PRKG1: variants seen among roughly 807,000 people sequenced by gnomAD.
The protein encoded by PRKG1 is protein kinase cGMP-dependent 1.
In PRKG1, 35 loss-of-function variants were observed where a neutral mutation model predicts 88.1. That is an observed-to-expected ratio of 0.40 (90% confidence interval 0.30 to 0.53). The LOEUF (loss-of-function observed/expected upper bound fraction) is 0.53, where lower values mean the gene tolerates loss of function less well. Ranked by LOEUF, PRKG1 falls within the 20% of genes least tolerant of loss-of-function variation. PRKG1 has a pLI of 0.59. For synonymous variants in PRKG1, 303 were observed against 292.5 expected (o/e 1.04, Z -0.37); for missense variants, 540 against 839.8 (o/e 0.64, Z 4.41).
chr10:52,295,238 C>G lies in PRKG1; in HGVS notation c.*1338C>G, dbSNP rs1842354811. ...TGAGGTCAGAGAACAAAACAAGAAC[C>G]TGGCCAGGTGTTGATTACCTTTTAG... On this transcript the variant is annotated 3_prime_UTR_variant, in exon 18 of 18. Coordinates refer to ENST00000373980, the MANE Select transcript of PRKG1 (RefSeq NM_006258.4). 1 of 152,066 alleles carries G rather than the reference C, an allele frequency of 6.6e-6. No individual in the cohort carries two copies. The highest frequency in any genetic ancestry group is 1.5e-5 in the Non-Finnish European group (1 of 67,980). The allele number at this position is 152,066 out of a possible 1,614,324, so 9.4% of individuals were successfully genotyped here. A position where few individuals can be genotyped will look rare whatever the true frequency, so the allele number is the denominator to read the frequency against.
At chr10:51,430,613 T>G (rs1390789120) in intron 2 of PRKG1, among the ~76,000 whole-genome samples, 1 of 152,084 alleles carries the variant, frequency 6.6e-6, no homozygotes, top group Admixed American at 6.6e-5. Flanking sequence ...AATATCTACA[T>G]GAAATAAAAA....
At chr10:51,122,871 A>G (rs949444330) in intron 1 of PRKG1, among the ~76,000 whole-genome samples, 13 of 152,192 alleles carry the variant, frequency 8.5e-5, no homozygotes, top group African/African-American at 2.4e-4. Context: ...TTCCTGTCTC[A>G]GTAAATGCTC....
intron 2 of PRKG1, among the ~76,000 whole-genome samples, chr10:51,277,721 T>A (rs908257738): frequency 2.6e-5 from 4 of 152,210 alleles, no homozygotes; most frequent in African/African-American, 7.2e-5. Context: ...TTGAAGCAAT[T>A]GTGAATGGGA....
intron 3 of PRKG1, among the ~76,000 whole-genome samples, chr10:51,540,939 G>A (rs1842284710): frequency 6.6e-6 from 1 of 152,022 alleles, no homozygotes; most frequent in South Asian, 2.1e-4. Context: ...GGCTGGTCTC[G>A]AACTCCTGAC....
intron 3 of PRKG1, among the ~76,000 whole-genome samples, chr10:51,674,313 G>A (rs971487279): frequency 6.6e-6 from 1 of 151,938 alleles, no homozygotes; most frequent in African/African-American, 2.4e-5. Context: ...TTCTCCTAAT[G>A]CTATCCCTCC....
intron 2 of PRKG1, among the ~76,000 whole-genome samples, chr10:51,346,186 G>A (rs1446997841): frequency 6.6e-6 from 1 of 152,116 alleles, no homozygotes; most frequent in Non-Finnish European, 1.5e-5. Context: ...TGATCATTGT[G>A]GAATAGTGTT....
At chr10:51,540,572 A>G (rs543859392) in intron 3 of PRKG1, among the ~76,000 whole-genome samples, 31 of 152,338 alleles carry the variant, frequency 2.0e-4, no homozygotes, top group Non-Finnish European at 3.7e-4. Flanking sequence ...ATTCATATAC[A>G]TACACATTCA....
intron 3 of PRKG1, among the ~76,000 whole-genome samples, chr10:51,516,435 A>T (rs1001857781): frequency 6.6e-6 from 1 of 152,134 alleles, no homozygotes; most frequent in African/African-American, 2.4e-5. Flanking sequence ...ATTGGAAAAA[A>T]AAAAATTCAA....
At chr10:52,217,834 C>T (rs923830626) in intron 9 of PRKG1, among the ~76,000 whole-genome samples, 2 of 152,180 alleles carry the variant, frequency 1.3e-5, no homozygotes, top group Admixed American at 6.5e-5. Flanking sequence ...TCCTCCGTTA[C>T]TCTCTACTTA....
chr10:51,267,569 C>A (rs898872693), intron 2 of PRKG1, among the ~76,000 whole-genome samples: 3 of 152,102 alleles, frequency 2.0e-5, no homozygotes, highest in African/African-American at 7.2e-5. Flanking sequence ...AAAAAAGACA[C>A]CTTATTCAAC....
chr10:51,722,323 T>C (rs192276985), intron 3 of PRKG1, among the ~76,000 whole-genome samples: 1 of 152,114 alleles, frequency 6.6e-6, no homozygotes, highest in African/African-American at 2.4e-5. Flanking sequence ...ATTGTTATAA[T>C]TTAAACTGTG....
chr10:52,242,670 G>A (rs1840897790), intron 9 of PRKG1, among the ~76,000 whole-genome samples: 1 of 152,128 alleles, frequency 6.6e-6, no homozygotes, highest in African/African-American at 2.4e-5. Context: ...GCCAAGGTGG[G>A]TGGATCACTT....
In PRKG1 at chr10:51,849,567, T is replaced by C. The variant is rs74612779; in HGVS notation, c.698+44877T>C. On this transcript the variant is annotated intron_variant, in intron 4 of 17. Coordinates refer to ENST00000373980, the MANE Select transcript of PRKG1 (RefSeq NM_006258.4). ...TGGAGTTATCCAGAGATCTCTTCTA[T>C]CCAATGGCCTATTAATTTTACACCA... Among the ~76,000 whole-genome samples, 822 of 152,282 alleles carry C rather than the reference T, an allele frequency of 5.4e-3. 6 individuals are homozygous for C. Among genetic ancestry groups the C allele is most frequent in the African/African-American group, 0.018 (754 of 41,550 alleles).
chr10:51,186,243 T>C (rs539414016), intron 2 of PRKG1, among the ~76,000 whole-genome samples: 2 of 152,032 alleles, frequency 1.3e-5, no homozygotes, highest in East Asian at 3.9e-4. Context: ...TTCTCTCTTA[T>C]GCTTCCCAAT....
intron 5 of PRKG1, among the ~76,000 whole-genome samples, chr10:51,915,543 G>C (rs1344500247): frequency 6.7e-6 from 1 of 149,892 alleles, no homozygotes; most frequent in Non-Finnish European, 1.5e-5. Flanking sequence ...AGATGTGTGT[G>C]TGTATGTGTG....
At chr10:51,758,358 A>T (rs1326496762) in intron 3 of PRKG1, among the ~76,000 whole-genome samples, 2 of 152,240 alleles carry the variant, frequency 1.3e-5, no homozygotes, top group Non-Finnish European at 2.9e-5. Flanking sequence ...ATATACAAAC[A>T]CTTATTGTTC....
At chr10:52,224,992 A>G (rs918826635) in intron 9 of PRKG1, among the ~76,000 whole-genome samples, 1 of 151,808 alleles carries the variant, frequency 6.6e-6, no homozygotes, top group Non-Finnish European at 1.5e-5. Flanking sequence ...TCCTCTGGTT[A>G]GATATCCAGT....
At chr10:51,971,898 AAC>A (rs749824615) in intron 5 of PRKG1, among the ~76,000 whole-genome samples, 5 of 152,334 alleles carry the variant, frequency 3.3e-5, no homozygotes, top group South Asian at 4.1e-4. Flanking sequence ...CACATGCAAT[AAC>A]ACAGTTTGTA....
At chr10:51,578,785 A>G (rs1441956180) in intron 3 of PRKG1, among the ~76,000 whole-genome samples, 1 of 152,090 alleles carries the variant, frequency 6.6e-6, no homozygotes, top group African/African-American at 2.4e-5. Flanking sequence ...ATGCAAGTTT[A>G]CATTAATTAC....
Sources: gnomAD v4.1 joint callset for allele counts (sites outside exome capture counted in the v4.1 genomes callset) on GRCh38, gnomAD v4.1.1 for gene constraint, MANE v1.5 for transcripts, NCBI Gene and HGNC (gene_info 2026-07-23, HGNC 2026-07-21) for gene names.